Variants in CCDC195 observed in about 807,000 individuals in gnomAD.
CCDC195 encodes coiled-coil domain containing 195, also known as coiled-coil domain-containing protein 195.
At position 224,708,023 on chromosome 2, in the gene CCDC195, C is replaced by CCTTT. The variant is rs1689247607; in HGVS notation, c.482+1949_482+1950insAAAG. ...CCCTTCCTTCCTTTCTTCCTTCCTT[C>CCTTT]CTTCCTTCCTTCTTAGAGGCAAGGT... On this transcript the variant is annotated intron_variant, in intron 2 of 2. Coordinates refer to ENST00000638102, the Ensembl canonical transcript of CCDC195. 2.6e-5 allele frequency among the ~76,000 whole-genome samples: 3 copies of CCTTT among 116,674 alleles called. No homozygotes were observed. In the South Asian group the frequency reaches 9.1e-4, roughly 35 times the overall value. 76.5% of individuals were successfully genotyped at this position (116,674 alleles called of 152,430 possible). A position where few individuals can be genotyped will look rare whatever the true frequency, so the allele number is the denominator to read the frequency against.
chr2:224,712,570 T>C (rs1427403428), intron 1 of CCDC195, among the ~76,000 whole-genome samples: 1 of 152,060 alleles, frequency 6.6e-6, no homozygotes, highest in Non-Finnish European at 1.5e-5. Flanking sequence ...GGAAGTAGGG[T>C]TCTCCATTCA....
chr2:224,712,173 C>T (rs1411059817), intron 1 of CCDC195, among the ~76,000 whole-genome samples: 1 of 152,092 alleles, frequency 6.6e-6, no homozygotes, highest in Non-Finnish European at 1.5e-5. Flanking sequence ...CCTTCAGTTT[C>T]TTATTAACAA....
At chr2:224,707,998 C>CCCTCCTTCCCTCCCTT (rs1419609411) in intron 2 of CCDC195, among the ~76,000 whole-genome samples, 1 of 43,642 alleles carries the variant, frequency 2.3e-5, no homozygotes, top group African/African-American at 1.3e-4. Context: ...CTCCCTCCCT[C>CCCTCCTTCCCTCCCTT]CCTTCCTTCC....
chr2:224,704,498 G>A (rs755911650), intron 2 of CCDC195, among the ~76,000 whole-genome samples: 5 of 150,124 alleles, frequency 3.3e-5, no homozygotes, highest in African/African-American at 4.9e-5. Context: ...CTTCATTTTT[G>A]TTCTCTTTTG....
Position 224,706,189 on chromosome 2 carries a change from CTTTTTTTTTTTTTTTT to C in CCDC195, c.483-2318_483-2303del, listed in dbSNP as rs201012911. Among the ~76,000 whole-genome samples the C allele has an allele frequency of 8.1e-4, 27 of 33,366 alleles. No individual in the cohort carries two copies. The East Asian group carries it at 0.011, about 13-fold the overall frequency. 21.9% of individuals were successfully genotyped at this position (33,366 alleles called of 152,430 possible). ...TGTATATTGCCTCTATATTTTGTAA[CTTTTTTTTTTTTTTTT>C]TTTTTTTTTTTTTTTTTTGAGACAG... is the stretch of plus-strand genomic sequence containing the variant. On this transcript the variant is annotated intron_variant, in intron 2 of 2. Coordinates refer to ENST00000638102, the Ensembl canonical transcript of CCDC195.
intron 1 of CCDC195, among the ~76,000 whole-genome samples, chr2:224,712,494 A>G (rs1241307787): frequency 1.3e-5 from 2 of 152,176 alleles, no homozygotes; most frequent in African/African-American, 4.8e-5. Context: ...CATTCTCAGT[A>G]TATTTTATCA....
intron 1 of CCDC195, among the ~76,000 whole-genome samples, chr2:224,714,053 C>T (rs1039113696): frequency 3.3e-5 from 5 of 151,966 alleles, no homozygotes; most frequent in Admixed American, 2.6e-4. Context: ...ATGCCTAGGC[C>T]AATCTCGAAC....
intron 2 of CCDC195, among the ~76,000 whole-genome samples, chr2:224,705,137 A>G (rs1697227528): frequency 6.6e-6 from 1 of 152,200 alleles, no homozygotes; most frequent in South Asian, 2.1e-4. Flanking sequence ...CCAAGGCCAC[A>G]TTGTTTGTAA....
chr2:224,710,121 C>T lies in CCDC195; in HGVS notation c.334G>A (p.Gly112Arg), dbSNP rs558987314. The change falls in exon 2 of 3, where the codon GGA becomes AGA. Residue 112 changes from glycine (G) to arginine (R), a missense_variant. By Grantham distance (125) the Gly-to-Arg change is moderately radical. Coordinates refer to ENST00000638102, the Ensembl canonical transcript of CCDC195. ...AGTGTTCTCTGACCTTCTAGAATTC[C>T]GCTCTTTGGGTGACTTTTCCCAGAT... is the stretch of plus-strand genomic sequence containing the variant. 43 of 398,534 alleles carry T rather than the reference C, an allele frequency of 1.1e-4. No homozygotes were observed. In the Middle Eastern group the frequency reaches 4.4e-3, roughly 41 times the overall value. The allele number at this position is 398,534 out of a possible 1,614,324, so 24.7% of individuals were successfully genotyped here. A position where few individuals can be genotyped will look rare whatever the true frequency, so the allele number is the denominator to read the frequency against.
intron 1 of CCDC195, 66 bp downstream of exon 1, chr2:224,716,065 C>T: frequency 2.5e-6 from 1 of 397,820 alleles, no homozygotes; most frequent in Non-Finnish European, 4.4e-6. Context: ...CAGCACAATA[C>T]ACTTAACTAT....
chr2:224,710,288 T>C (rs903637681), intron 1 of CCDC195, 69 bp from the exon 2 acceptor site: 1 of 397,888 alleles, frequency 2.5e-6, no homozygotes, highest in Admixed American at 4.4e-5. Context: ...TGAAAAATGA[T>C]AGAATTTTAT....
chr2:224,706,189 C>CTTTTTTTTTTTTTTTTATT (rs1697238367), intron 2 of CCDC195, among the ~76,000 whole-genome samples: 1 of 33,340 alleles, frequency 3.0e-5, no homozygotes, highest in Non-Finnish European at 4.7e-5. Flanking sequence ...TATTTTGTAA[C>CTTTTTTTTTTTTTTTTATT]TTTTTTTTTT....
intron 2 of CCDC195, among the ~76,000 whole-genome samples, chr2:224,705,714 C>G (rs930054419): frequency 6.6e-6 from 1 of 152,138 alleles, no homozygotes; most frequent in Non-Finnish European, 1.5e-5. Context: ...AAAAAAAATG[C>G]TCAATTCCTA....
chr2:224,708,242 G>T (rs1011682648), intron 2 of CCDC195, among the ~76,000 whole-genome samples: 4 of 152,094 alleles, frequency 2.6e-5, no homozygotes, highest in Non-Finnish European at 5.9e-5. Flanking sequence ...ATTAATTTCT[G>T]AATATTTACA....
chr2:224,710,820 T>C (rs979645434), intron 1 of CCDC195, among the ~76,000 whole-genome samples: 5 of 152,124 alleles, frequency 3.3e-5, no homozygotes, highest in African/African-American at 9.7e-5. Flanking sequence ...ATTCACATAG[T>C]AATACATTCT....
In CCDC195 at chr2:224,710,229, A is replaced by G. The variant is rs1047610601; in HGVS notation, c.236-10T>C. 5 of 398,518 alleles carry G rather than the reference A, an allele frequency of 1.3e-5. No individual in the cohort carries two copies. The highest frequency in any genetic ancestry group is 1.0e-4 in the African/African-American group (5 of 48,650). 24.7% of individuals were successfully genotyped at this position (398,518 alleles called of 1,614,324 possible). A position where few individuals can be genotyped will look rare whatever the true frequency, so the allele number is the denominator to read the frequency against. On this transcript the variant is annotated splice_polypyrimidine_tract_variant and intron_variant, in intron 1 of 2. Coordinates refer to ENST00000638102, the Ensembl canonical transcript of CCDC195. ...ACAATCATGACATTGCCTGTACAAA[A>G]GACACAAAATCCAACTTAAAAAAAT...
intron 2 of CCDC195, among the ~76,000 whole-genome samples, chr2:224,706,310 A>G (rs1189759990): frequency 7.1e-6 from 1 of 141,480 alleles, no homozygotes; most frequent in Non-Finnish European, 1.5e-5. Context: ...GGTTCAAGCA[A>G]TTCTCTGTCT....
In CCDC195 at chr2:224,706,189, CTTTTTTTTTTTTTTTTT is replaced by C. The variant is rs201012911; in HGVS notation, c.483-2319_483-2303del. Among the ~76,000 whole-genome samples the C allele has an allele frequency of 5.7e-4, 19 of 33,360 alleles. 1 individual carries two copies. Among genetic ancestry groups the C allele is most frequent in the Admixed American group, 3.5e-3 (6 of 1,702 alleles). The allele number at this position is 33,360 out of a possible 152,430, so 21.9% of individuals were successfully genotyped here. On this transcript the variant is annotated intron_variant, in intron 2 of 2. Transcript: ENST00000638102. ...TGTATATTGCCTCTATATTTTGTAA[CTTTTTTTTTTTTTTTTT>C]TTTTTTTTTTTTTTTTTGAGACAGA...
At chr2:224,704,498 GT>G (rs1559318301) in intron 2 of CCDC195, among the ~76,000 whole-genome samples, 2 of 150,124 alleles carry the variant, frequency 1.3e-5, no homozygotes, top group Non-Finnish European at 2.9e-5. Flanking sequence ...CTTCATTTTT[GT>G]TCTCTTTTGT....
Sources: allele counts gnomAD v4.1 joint callset (sites outside exome capture counted in the v4.1 genomes callset), GRCh38; gene constraint gnomAD v4.1.1; transcripts MANE v1.5; gene names NCBI Gene and HGNC (gene_info 2026-07-23, HGNC 2026-07-21).